HDAC9: variants seen among roughly 807,000 people sequenced by gnomAD.
The protein encoded by HDAC9 is histone deacetylase 9, also known as MEF-2 interacting transcription repressor (MITR) protein.
A neutral mutation model predicts 139.4 loss-of-function variants in HDAC9; 41 were observed. That is an observed-to-expected ratio of 0.29 (90% CI 0.23 to 0.38). The LOEUF (loss-of-function observed/expected upper bound fraction) is 0.38. HDAC9 is among the 10% of genes least tolerant of loss of function. The pLI is 1.00. For synonymous variants in HDAC9, 517 were observed against 476.2 expected, an observed-to-expected ratio of 1.09 and a Z score of -1.12; for missense variants, 1,147 against 1,297.0, an observed-to-expected ratio of 0.88 and a Z score of 1.78.
Position 18,096,883 on chromosome 7 carries a change from TTGTGTG to T in HDAC9, c.-97+9704_-97+9709del, listed in dbSNP as rs59590063. ...TGAAAGAATGGATGACTTGTTGGCT[TTGTGTG>T]TGTGTGTGTGTGTGTGTGTGTGTGT... On this transcript the variant is annotated intron_variant, in intron 1 of 12. Coordinates refer to the HDAC9 transcript ENST00000417496. 1.8e-3 allele frequency among the ~76,000 whole-genome samples: 268 copies of T among 145,312 alleles called. 1 individual carries two copies. The highest frequency in any genetic ancestry group is 3.6e-3 in the South Asian group (16 of 4,458).
chr7:18,534,849 A>T (rs1417505385), intron 2 of HDAC9, among the ~76,000 whole-genome samples: 2 of 152,208 alleles, frequency 1.3e-5, no homozygotes, highest in African/African-American at 4.8e-5. Context: ...GGTAGTAAAT[A>T]CAGAGAGTGG....
At chr7:18,678,379 A>G (rs1011710305) in intron 12 of HDAC9, among the ~76,000 whole-genome samples, 1 of 151,872 alleles carries the variant, frequency 6.6e-6, no homozygotes, top group African/African-American at 2.4e-5. Flanking sequence ...TTAAAAGTTT[A>G]GAAAATGTCA....
intron 1 of HDAC9, among the ~76,000 whole-genome samples, chr7:18,331,680 A>G (rs1800934435): frequency 1.3e-5 from 2 of 151,718 alleles, no homozygotes; most frequent in South Asian, 4.1e-4. Flanking sequence ...CAGGAAAAAT[A>G]TATTAGAATA....
intron 2 of HDAC9, among the ~76,000 whole-genome samples, chr7:18,576,251 A>T (rs1215089572): frequency 5.3e-5 from 8 of 152,204 alleles, no homozygotes; most frequent in African/African-American, 1.9e-4. Flanking sequence ...ATGGAGAAAC[A>T]GGCCAGCCAT....
chr7:18,976,548 A>C lies in HDAC9; in HGVS notation c.3170+595A>C, dbSNP rs1417074494. 2.0e-5 allele frequency among the ~76,000 whole-genome samples: 3 copies of C among 152,176 alleles called. No homozygotes were observed. The East Asian group carries it at 5.8e-4, about 29-fold the overall frequency. On this transcript the variant is annotated intron_variant, in intron 25 of 25. Coordinates refer to ENST00000686413, the MANE Select transcript of HDAC9 (RefSeq NM_178425.4). ...TTTATTTCATTTTGGGATAGGACAG[A>C]ATTGGTTTTAATGTATCTTCTTATG...
chr7:18,132,054 A>G (rs1353702785), intron 1 of HDAC9, among the ~76,000 whole-genome samples: 3 of 152,136 alleles, frequency 2.0e-5, no homozygotes, highest in Non-Finnish European at 4.4e-5. Context: ...TAAGAGTTGA[A>G]TGTGTTCCAT....
At chr7:18,290,989 A>G (rs1351061828) in intron 1 of HDAC9, among the ~76,000 whole-genome samples, 1 of 152,184 alleles carries the variant, frequency 6.6e-6, no homozygotes, top group Non-Finnish European at 1.5e-5. Context: ...AAGCAAAAAT[A>G]GAGTGAATAG....
Position 18,666,194 on chromosome 7 carries a change from C to T in HDAC9, c.1468-19C>T. ...ATGAAGAACTACTGAATTTTGAACCCCTGAACACTCTCTTCTAGCTGCTTT... is the reference window on the plus strand; with the variant it reads ...ATGAAGAACTACTGAATTTTGAACCTCTGAACACTCTCTTCTAGCTGCTTT... On this transcript the variant is annotated intron_variant, in intron 11 of 25. Transcript: ENST00000686413. 4.4e-6 allele frequency: 7 copies of T among 1,592,118 alleles called. No individual in the cohort carries two copies. The highest frequency in any genetic ancestry group is 5.1e-6 in the Non-Finnish European group (6 of 1,166,940).
chr7:18,763,936 T>C (rs1789606366), intron 15 of HDAC9, among the ~76,000 whole-genome samples: 1 of 152,166 alleles, frequency 6.6e-6, no homozygotes, highest in African/African-American at 2.4e-5. Context: ...TGAGAAGTGC[T>C]CCAAAACAAC....
At chr7:18,216,146 G>GAC (rs1792298657) in intron 2 of HDAC9, among the ~76,000 whole-genome samples, 1 of 151,792 alleles carries the variant, frequency 6.6e-6, no homozygotes, top group African/African-American at 2.4e-5. Context: ...GAGAGAGAGA[G>GAC]AGACAGAGAG....
At chr7:18,223,311 A>G (rs1176549024) in intron 2 of HDAC9, among the ~76,000 whole-genome samples, 1 of 151,936 alleles carries the variant, frequency 6.6e-6, no homozygotes, top group Non-Finnish European at 1.5e-5. Flanking sequence ...CTAAAAGTTG[A>G]CATATTTACA....
chr7:18,538,096 A>G (rs527530110), intron 2 of HDAC9, among the ~76,000 whole-genome samples: 3 of 152,164 alleles, frequency 2.0e-5, no homozygotes, highest in Non-Finnish European at 4.4e-5. Context: ...TTTTTCTGTA[A>G]CAATTGTCTG....
intron 2 of HDAC9, among the ~76,000 whole-genome samples, chr7:18,540,933 C>T (rs1466655882): frequency 6.6e-6 from 1 of 151,968 alleles, no homozygotes; most frequent in African/African-American, 2.4e-5. Context: ...TATTATTTCC[C>T]CTGTTTTATA....
chr7:18,490,359 C>T lies in HDAC9; in HGVS notation c.-41-5903C>T, dbSNP rs181566819. 8.4e-3 allele frequency among the ~76,000 whole-genome samples: 1,273 copies of T among 152,112 alleles called. 17 individuals are homozygous for T. Among genetic ancestry groups the T allele is most frequent in the African/African-American group, 0.029 (1,209 of 41,526 alleles). On this transcript the variant is annotated intron_variant, in intron 1 of 3. Transcript: ENST00000413509. The stretch of plus-strand genomic sequence containing the variant: ...CCTCTAAAAATAGAATAAATCTTGG[C>T]TCAACACATCCCATTTGAAGGGAAG...
chr7:18,595,430 A>G (rs778739344), intron 6 of HDAC9, among the ~76,000 whole-genome samples: 2 of 152,064 alleles, frequency 1.3e-5, no homozygotes, highest in Non-Finnish European at 2.9e-5. Flanking sequence ...AGTATAGTTT[A>G]TGAAAAGTGA....
At chr7:18,992,344 A>G (rs1055877831) in intron 25 of HDAC9, among the ~76,000 whole-genome samples, 2 of 152,244 alleles carry the variant, frequency 1.3e-5, no homozygotes, top group South Asian at 2.1e-4. Context: ...CTAGATAAAT[A>G]TAAGTGCATG....
At chr7:18,577,051 A>G (rs781109157) in intron 2 of HDAC9, among the ~76,000 whole-genome samples, 5 of 152,172 alleles carry the variant, frequency 3.3e-5, no homozygotes, top group Non-Finnish European at 7.3e-5. Context: ...AAATCATTTG[A>G]TGTCAGTATG....
At chr7:18,806,367 C>T (rs138280559) in intron 17 of HDAC9, among the ~76,000 whole-genome samples, 3 of 152,262 alleles carry the variant, frequency 2.0e-5, no homozygotes, top group Non-Finnish European at 4.4e-5. Context: ...CAGGGGATGG[C>T]AGAATTCCTT....
At chr7:18,351,003 A>G (rs1259579305) in intron 1 of HDAC9, among the ~76,000 whole-genome samples, 1 of 152,180 alleles carries the variant, frequency 6.6e-6, no homozygotes, top group Non-Finnish European at 1.5e-5. Context: ...CCCCTGCCTA[A>G]GTTAAATGAC....
Sources: allele counts gnomAD v4.1 joint callset (sites outside exome capture counted in the v4.1 genomes callset), GRCh38; gene constraint gnomAD v4.1.1; transcripts MANE v1.5; gene names NCBI Gene and HGNC (gene_info 2026-07-23, HGNC 2026-07-21).